The following OR51B5 variants were observed in gnomAD, a reference collection of about 807,000 sequenced individuals.
OR51B5 encodes the protein olfactory receptor 51B5.
For missense variants in OR51B5, 456 were observed against 374.6 expected (o/e 1.22, Z -1.79); for synonymous variants, 186 against 144.8 (o/e 1.28, Z -2.04).
At chr11:5,422,612 C>T in intron 1 of OR51B5, 1 of 1,614,148 alleles carries the variant, frequency 6.2e-7, no homozygotes, top group South Asian at 1.1e-5. Flanking sequence ...TGCCTCCATC[C>T]TCACCAATGA....
At chr11:5,497,726 C>T (rs1380925187) in intron 1 of OR51B5, among the ~76,000 whole-genome samples, 6 of 152,264 alleles carry the variant, frequency 3.9e-5, no homozygotes, top group East Asian at 3.9e-4. Context: ...GGCTAAACTC[C>T]TATTTTAACA....
intron 1 of OR51B5, among the ~76,000 whole-genome samples, chr11:5,370,811 A>G (rs1425567721): frequency 6.6e-6 from 1 of 152,214 alleles, no homozygotes; most frequent in East Asian, 1.9e-4. Context: ...ATTTGATGCA[A>G]TAGAGAATAA....
chr11:5,497,484 C>T (rs1851666856), intron 1 of OR51B5, among the ~76,000 whole-genome samples: 1 of 152,076 alleles, frequency 6.6e-6, no homozygotes, highest in African/African-American at 2.4e-5. Context: ...ATGTAGACCC[C>T]CAGGCTCTCT....
At chr11:5,452,382 T>C (rs1850866178) in intron 1 of OR51B5, among the ~76,000 whole-genome samples, 2 of 151,758 alleles carry the variant, frequency 1.3e-5, no homozygotes, top group Admixed American at 1.3e-4. Context: ...GGCGGGAGCC[T>C]GTAGTCCCAA....
At chr11:5,409,519 C>G (rs550176708) in intron 1 of OR51B5, among the ~76,000 whole-genome samples, 1 of 150,412 alleles carries the variant, frequency 6.6e-6, no homozygotes, top group Non-Finnish European at 1.5e-5. Flanking sequence ...AAAAAAAAAT[C>G]TATCAAAATA....
chr11:5,446,531 TTAAAC>T (rs1850766153), intron 1 of OR51B5, among the ~76,000 whole-genome samples: 1 of 152,192 alleles, frequency 6.6e-6, no homozygotes, highest in African/African-American at 2.4e-5. Flanking sequence ...TCAATGTCCT[TTAAAC>T]TAACCCCAAG....
At chr11:5,449,043 C>G (rs1188996210) in intron 1 of OR51B5, among the ~76,000 whole-genome samples, 1 of 152,176 alleles carries the variant, frequency 6.6e-6, no homozygotes, top group African/African-American at 2.4e-5. Flanking sequence ...TCACATAAAG[C>G]CAGAATCTCT....
chr11:5,363,237 TCACACACACACACA>T (rs3219794), intron 1 of OR51B5, among the ~76,000 whole-genome samples: 18,481 of 142,794 alleles, frequency 0.13, 1,492 homozygotes, highest in Middle Eastern at 0.24. Context: ...ACCCAACCCC[TCACACACACACACA>T]CACACACACA....
rs139296237 is a variant in OR51B5, at chr11:5,384,849, C to T, written n.85-37939G>A. Among the ~76,000 whole-genome samples, 3 of 152,316 alleles carry T rather than the reference C, an allele frequency of 2.0e-5. No individual in the cohort carries two copies. In the East Asian group the frequency reaches 5.8e-4, roughly 29 times the overall value. ...CCTTCCAAAATCCTCCTCTATCCTA[C>T]TAAAAACAGGCATGTTTACAGATGA... is the stretch of plus-strand genomic sequence containing the variant. On this transcript the variant is annotated intron_variant and non_coding_transcript_variant, in intron 1 of 4. Transcript: ENST00000415970.
intron 1 of OR51B5, among the ~76,000 whole-genome samples, chr11:5,380,520 G>C (rs927968326): frequency 6.6e-6 from 1 of 152,136 alleles, no homozygotes; most frequent in African/African-American, 2.4e-5. Flanking sequence ...AAAAGAGTCT[G>C]TTGTGAGTCT....
rs868065415 is a variant in OR51B5 at position 5,358,619 on chromosome 11, G to A, written n.85-11709C>T. Among the ~76,000 whole-genome samples, 601 of 152,190 alleles carry A rather than the reference G, an allele frequency of 3.9e-3. 2 individuals are homozygous for A. Among genetic ancestry groups the A allele is most frequent in the African/African-American group, 9.9e-3 (413 of 41,508 alleles). ...AACTATTCGAATCAATAGTAAAAGA[G>A]GGAATCCTCCCTAACTCATTTTATG... On this transcript the variant is annotated intron_variant and non_coding_transcript_variant, in intron 1 of 4. Coordinates refer to the OR51B5 transcript ENST00000415970.
At chr11:5,501,704 A>G (rs907483121) in intron 1 of OR51B5, among the ~76,000 whole-genome samples, 1 of 148,036 alleles carries the variant, frequency 6.8e-6, no homozygotes, top group East Asian at 2.0e-4. Flanking sequence ...TCCTATCACT[A>G]TATTTTGATT....
chr11:5,436,192 AG>A (rs1850589866), intron 1 of OR51B5, among the ~76,000 whole-genome samples: 1 of 152,200 alleles, frequency 6.6e-6, no homozygotes, highest in Non-Finnish European at 1.5e-5. Flanking sequence ...AGGAGACTGC[AG>A]TAGAGACGGG....
At position 5,504,681 on chromosome 11, in the gene OR51B5, C is replaced by G. The variant is rs557233767; in HGVS notation, n.84+888G>C. Reference sequence around the variant, plus strand: ...ATTTGATTTGTATCTATCCAGTGTCCCCAGTCACTTCCTCATTTGTTTTCT... The same window carrying G: ...ATTTGATTTGTATCTATCCAGTGTCGCCAGTCACTTCCTCATTTGTTTTCT... On this transcript the variant is annotated intron_variant and non_coding_transcript_variant, in intron 1 of 4. Coordinates refer to the OR51B5 transcript ENST00000415970. 4.6e-5 allele frequency among the ~76,000 whole-genome samples: 7 copies of G among 152,206 alleles called. No homozygotes were observed. In the South Asian group the frequency reaches 1.5e-3, roughly 32 times the overall value.
chr11:5,450,818 T>C (rs1314798111), intron 1 of OR51B5, among the ~76,000 whole-genome samples: 4 of 152,096 alleles, frequency 2.6e-5, no homozygotes, highest in Non-Finnish European at 5.9e-5. Context: ...GAGCATGCGG[T>C]GTTTGGTTTT....
rs556481245 is a variant in OR51B5, at chr11:5,390,216, T to G, written n.85-43306A>C. 13 of 1,613,928 alleles carry G rather than the reference T, an allele frequency of 8.1e-6. No individual in the cohort carries two copies. Among genetic ancestry groups the G allele is most frequent in the Admixed American group, 3.3e-5 (2 of 60,008 alleles). On this transcript the variant is annotated intron_variant and non_coding_transcript_variant, in intron 1 of 4. Coordinates refer to the OR51B5 transcript ENST00000415970. The stretch of plus-strand genomic sequence containing the variant: ...GTGCCCATGATGGGGCTGTCCCTGG[T>G]GCACCGTTTTGGGAAGCATGCCCCA...
At chr11:5,347,821 A>C (rs200992793), upstream of OR51B5, among the ~76,000 whole-genome samples, 17 of 152,196 alleles carry the variant, frequency 1.1e-4, no homozygotes, top group African/African-American at 4.1e-4. Context: ...AGGGAAGAAC[A>C]ATAATTATCT....
rs762959560 is a variant in OR51B5, at chr11:5,389,728, A to G, written n.85-42818T>C. The G allele has an allele frequency of 3.7e-6, 6 of 1,613,800 alleles. No homozygotes were observed. In the African/African-American group the frequency reaches 6.7e-5, roughly 18 times the overall value. ...ATAGTATCTACTTTGGAGCGTGTCA[A>G]ATCCAGATGTTCTGCATCCACTCTT... On this transcript the variant is annotated intron_variant and non_coding_transcript_variant, in intron 1 of 4. Transcript: ENST00000415970.
Position 5,389,906 on chromosome 11 carries a change from C to T in OR51B5, n.85-42996G>A, listed in dbSNP as rs765764808. 7 of 1,611,936 alleles carry T rather than the reference C, an allele frequency of 4.3e-6. No homozygotes were observed. In the East Asian group the frequency reaches 1.3e-4, roughly 31 times the overall value. ...CTTCCGGGGACCTGTGGCCACTATCCCTATTGTCCTCCTCCTGAAGGCTTT... is the reference window on the plus strand; with the variant it reads ...CTTCCGGGGACCTGTGGCCACTATCTCTATTGTCCTCCTCCTGAAGGCTTT... On this transcript the variant is annotated intron_variant and non_coding_transcript_variant, in intron 1 of 4. Coordinates refer to the OR51B5 transcript ENST00000415970.
Sources: allele counts gnomAD v4.1 joint callset (sites outside exome capture counted in the v4.1 genomes callset), GRCh38; gene constraint gnomAD v4.1.1; transcripts MANE v1.5; gene names NCBI Gene and HGNC (gene_info 2026-07-23, HGNC 2026-07-21).